MYH16: variants seen among roughly 807,000 people sequenced by gnomAD.
The protein encoded by MYH16 is myosin heavy chain 16.
chr7:99,284,121 C>T (rs1792242924), intron 25 of MYH16, 103 bp downstream of exon 7: 5 of 366,844 alleles, frequency 1.4e-5, no homozygotes, highest in Middle Eastern at 5.3e-4. Context: ...GCCTCACAAA[C>T]ATTCCTGCAT....
At chr7:99,275,628 G>A (rs1792100884) in intron 20 of MYH16, among the ~76,000 whole-genome samples, 1 of 152,214 alleles carries the variant, frequency 6.6e-6, no homozygotes, top group Non-Finnish European at 1.5e-5. Context: ...GGAAGACCCA[G>A]GCCAATGGCC....
At chr7:99,308,636 A>G (rs1029415718), downstream of MYH16, among the ~76,000 whole-genome samples, 5 of 152,212 alleles carry the variant, frequency 3.3e-5, no homozygotes, top group African/African-American at 1.2e-4. Context: ...GCCTGGCTCC[A>G]GACCTATGCA....
At chr7:99,276,641 C>T (rs917739900) in intron 20 of MYH16, among the ~76,000 whole-genome samples, 1 of 152,238 alleles carries the variant, frequency 6.6e-6, no homozygotes, top group Non-Finnish European at 1.5e-5. Flanking sequence ...CCTATAGACA[C>T]AGGTGCAGGG....
intron 17 of MYH16, chr7:99,266,817 GCA>G (rs1791992674): frequency 6.6e-6 from 1 of 152,656 alleles, no homozygotes; most frequent in African/African-American, 2.4e-5. Flanking sequence ...GTCAGCTTGG[GCA>G]CAGTGATGAC....
chr7:99,271,540 G>A (rs1037401138), intron 19 of MYH16, among the ~76,000 whole-genome samples: 1 of 151,224 alleles, frequency 6.6e-6, no homozygotes, highest in African/African-American at 2.5e-5. Flanking sequence ...GTCTCTCAGA[G>A]CTGCCGCAAC....
At chr7:99,310,505 G>C (rs1792745341), downstream of MYH16, among the ~76,000 whole-genome samples, 1 of 152,202 alleles carries the variant, frequency 6.6e-6, no homozygotes, top group Non-Finnish European at 1.5e-5. Flanking sequence ...TCAATGACTT[G>C]TATGGGCACA....
chr7:99,261,124 C>G (rs1419394649), intron 12 of MYH16: 2 of 152,016 alleles, frequency 1.3e-5, no homozygotes, highest in Non-Finnish European at 2.9e-5. Flanking sequence ...CATTGACTTC[C>G]CCATTTTTCA....
At chr7:99,291,216 G>A in intron 30 of MYH16, 107 bp from the exon 12 acceptor site, 1 of 388,162 alleles carries the variant, frequency 2.6e-6, no homozygotes, top group South Asian at 1.9e-5. Context: ...CATTGGCCAA[G>A]CCACCATATT....
At chr7:99,248,049 C>T (rs140242957) in intron 3 of MYH16, among the ~76,000 whole-genome samples, 1 of 152,312 alleles carries the variant, frequency 6.6e-6, no homozygotes, top group Non-Finnish European at 1.5e-5. Context: ...GAGCTCAGTA[C>T]TCTTAACCAT....
chr7:99,267,377 C>T (rs982924374), intron 18 of MYH16, among the ~76,000 whole-genome samples: 8 of 152,146 alleles, frequency 5.3e-5, no homozygotes, highest in African/African-American at 1.9e-4. Flanking sequence ...TTAAGGCATA[C>T]ACCATCACAC....
intron 32 of MYH16, among the ~76,000 whole-genome samples, chr7:99,293,071 G>C (rs1029703905): frequency 1.3e-5 from 2 of 152,114 alleles, no homozygotes; most frequent in Admixed American, 1.3e-4. Context: ...GGTGTCCCTG[G>C]GCCCATGCAC....
intron 2 of MYH16, among the ~76,000 whole-genome samples, chr7:99,245,199 G>C (rs368770268): frequency 4.5e-4 from 68 of 152,270 alleles, no homozygotes; most frequent in Non-Finnish European, 5.9e-4. Flanking sequence ...TGTTCCACTG[G>C]GTTTCCTTCA....
chr7:99,293,870 G>C (rs138104696), intron 32 of MYH16, 148 bp from the exon 14 acceptor site: 1 of 303,378 alleles, frequency 3.3e-6, no homozygotes, highest in African/African-American at 2.2e-5. Context: ...ATGGACAGCT[G>C]TGGCTGTCCT....
chr7:99,261,597 C>T (rs548554442), exon 13 of MYH16: 2 of 154,214 alleles, frequency 1.3e-5, no homozygotes, highest in South Asian at 2.1e-4. Context: ...GCAAGGGGCC[C>T]GAGGTCCACT....
chr7:99,273,355 G>A (rs910711108), exon 20 of MYH16: 1 of 456,762 alleles, frequency 2.2e-6, no homozygotes, highest in Non-Finnish European at 4.4e-6. Flanking sequence ...GGGCCTGAAA[G>A]TCATTCAGCA....
intron 11 of MYH16, among the ~76,000 whole-genome samples, chr7:99,259,501 C>G (rs1050657436): frequency 5.3e-5 from 8 of 151,810 alleles, no homozygotes; most frequent in Middle Eastern, 3.2e-3. Context: ...ACTTTTTCCC[C>G]AGGCTGGAGT....
chr7:99,272,368 C>T (rs1792057286), intron 19 of MYH16, among the ~76,000 whole-genome samples: 1 of 152,114 alleles, frequency 6.6e-6, no homozygotes, highest in Admixed American at 6.6e-5. Context: ...AGGATTAGAA[C>T]TCAGCAATTC....
chr7:99,293,868 C>A, intron 32 of MYH16, 150 bp from the exon 14 acceptor site: 1 of 299,394 alleles, frequency 3.3e-6, no homozygotes, highest in Non-Finnish European at 6.6e-6. Context: ...GAATGGACAG[C>A]TGTGGCTGTC....
chr7:99,289,027 T>C (rs1215671908), intron 29 of MYH16, among the ~76,000 whole-genome samples: 1 of 151,350 alleles, frequency 6.6e-6, no homozygotes, highest in East Asian at 1.9e-4. Context: ...GGTGAGAGGA[T>C]GGCTTGAGCC....
Sources: allele counts gnomAD v4.1 joint callset (sites outside exome capture counted in the v4.1 genomes callset), GRCh38; gene constraint gnomAD v4.1.1; transcripts MANE v1.5; gene names NCBI Gene and HGNC (gene_info 2026-07-23, HGNC 2026-07-21).